The following TRAK2 variants were observed in gnomAD, a reference collection of about 807,000 sequenced individuals.
TRAK2 encodes the protein trafficking kinesin-binding protein 2.
A neutral mutation model predicts 104.6 loss-of-function variants in TRAK2; 81 were observed. That is an observed-to-expected ratio of 0.77 (90% CI 0.65 to 0.93). The LOEUF is 0.93. Among genes scored for constraint, TRAK2 ranks in the 40% least tolerant of loss-of-function variants. TRAK2 has a pLI of 0.00. For missense variants in TRAK2, 1,002 were observed against 1,089.0 expected (o/e 0.92, Z 1.12); for synonymous variants, 406 against 394.4 (o/e 1.03, Z -0.35).
At chr2:201,384,831 C>T (rs763607361) in intron 14 of TRAK2, among the ~76,000 whole-genome samples, 4 of 152,134 alleles carry the variant, frequency 2.6e-5, no homozygotes, top group African/African-American at 4.8e-5. Flanking sequence ...GCCGTTGAGT[C>T]TTTTTCCTGT....
At chr2:201,426,575 G>A (rs1951790776) in intron 1 of TRAK2, among the ~76,000 whole-genome samples, 1 of 152,148 alleles carries the variant, frequency 6.6e-6, no homozygotes, top group South Asian at 2.1e-4. Flanking sequence ...GAAAGGCTGG[G>A]GACCTCTGTT....
At chr2:201,415,196 C>T (rs1306702160) in intron 2 of TRAK2, among the ~76,000 whole-genome samples, 1 of 151,956 alleles carries the variant, frequency 6.6e-6, no homozygotes, top group East Asian at 1.9e-4. Flanking sequence ...GATCTGTAGA[C>T]CTACAGATGA....
At chr2:201,417,074 TACACAG>T (rs368043318) in intron 2 of TRAK2, among the ~76,000 whole-genome samples, 146,517 of 151,016 alleles carry the variant, frequency 0.97, 71,235 homozygotes, top group East Asian at 1. Flanking sequence ...CCACATTAAC[TACACAG>T]TTAAATGTAA....
At chr2:201,410,798 G>A (rs942737418) in intron 2 of TRAK2, 19 of 1,606,444 alleles carry the variant, frequency 1.2e-5, no homozygotes, top group Non-Finnish European at 1.5e-5. Context: ...GGTTTCTGAG[G>A]GCCAAAGAGA....
At chr2:201,397,730 T>C (rs1185349969) in intron 6 of TRAK2, 150 bp from the exon 7 acceptor site, 2 of 594,502 alleles carry the variant, frequency 3.4e-6, no homozygotes, top group Admixed American at 6.2e-5. Flanking sequence ...ACCTGGCTCA[T>C]CCCTGGCCTT....
At chr2:201,396,855 C>T (rs150684142) in intron 7 of TRAK2, among the ~76,000 whole-genome samples, 4,487 of 152,110 alleles carry the variant, frequency 0.029, 191 homozygotes, top group South Asian at 0.22. Context: ...GAATGGTTCG[C>T]GATTTGAAAC....
chr2:201,399,344 T>C (rs749539865), intron 5 of TRAK2, 33 bp downstream of exon 5: 1 of 1,459,684 alleles, frequency 6.9e-7, no homozygotes, highest in Admixed American at 1.8e-5. Flanking sequence ...AACCTAATTA[T>C]TTCATACTGC....
chr2:201,422,306 G>A (rs912061867), intron 1 of TRAK2, among the ~76,000 whole-genome samples: 3 of 152,108 alleles, frequency 2.0e-5, no homozygotes, highest in African/African-American at 7.2e-5. Context: ...TTTAATAACA[G>A]TGGAACATAC....
intron 2 of TRAK2, among the ~76,000 whole-genome samples, chr2:201,407,804 A>G (rs1951608819): frequency 1.3e-5 from 2 of 151,982 alleles, no homozygotes; most frequent in African/African-American, 2.4e-5. Flanking sequence ...GAGAACTTCT[A>G]AAGTAAAAAT....
At chr2:201,392,163 T>C (rs1356153849) in intron 10 of TRAK2, among the ~76,000 whole-genome samples, 3 of 152,148 alleles carry the variant, frequency 2.0e-5, no homozygotes, top group Non-Finnish European at 2.9e-5. Context: ...TTGAATGATA[T>C]GGCAAAAGCA....
rs750382000 is a variant in TRAK2, at chr2:201,381,153, G to A, written c.2135C>T (p.Ser712Phe). Residue 712 changes from serine to phenylalanine, a missense_variant, in exon 16 of 16, where the codon TCT (serine) becomes TTT (phenylalanine). By Grantham distance (155) the Ser-to-Phe change is radical. Transcript: ENST00000332624. The part of the protein sequence containing the change: ...GSSSSNTAVN[S>F]PALSYRLSIG... ...GCTGAGTCTATAGGACAAGGCAGGA[G>A]AATTCACAGCCGTGTTGGATGAACT... 1.2e-6 allele frequency: 2 copies of A among 1,613,484 alleles called. No homozygotes were observed. Among genetic ancestry groups the A allele is most frequent in the African/African-American group, 1.3e-5 (1 of 74,704 alleles).
At chr2:201,389,052 G>A (rs1951417780) in intron 12 of TRAK2, among the ~76,000 whole-genome samples, 1 of 152,198 alleles carries the variant, frequency 6.6e-6, no homozygotes, top group African/African-American at 2.4e-5. Context: ...AAGCGGTTGA[G>A]ATTATGAGCA....
chr2:201,428,649 C>T (rs930522804), intron 1 of TRAK2, among the ~76,000 whole-genome samples: 2 of 152,190 alleles, frequency 1.3e-5, no homozygotes, highest in Non-Finnish European at 2.9e-5. Flanking sequence ...CTTGGCAATG[C>T]AGGCTCTTTT....
At chr2:201,426,357 G>A (rs1041518772) in intron 1 of TRAK2, among the ~76,000 whole-genome samples, 6 of 152,182 alleles carry the variant, frequency 3.9e-5, no homozygotes, top group East Asian at 1.9e-4. Flanking sequence ...AGAAGGGACC[G>A]TCTACTTGAT....
At position 201,379,087 on chromosome 2, in the gene TRAK2, CCT is replaced by C. The variant is rs1364574627; in HGVS notation, c.*1454_*1455del. On this transcript the variant is annotated 3_prime_UTR_variant, in exon 16 of 16. Coordinates refer to ENST00000332624, the MANE Select transcript of TRAK2 (RefSeq NM_015049.3). Reference sequence around the variant, plus strand: ...TTTTCATAAACAAAATAATTAGTCCCCTCTCTCATCTTTTCTCTATCATGTCT... The same window carrying C: ...TTTTCATAAACAAAATAATTAGTCCCCTCTCATCTTTTCTCTATCATGTCT... The C allele has an allele frequency of 2.0e-5, 3 of 152,188 alleles. No individual in the cohort carries two copies. Among genetic ancestry groups the C allele is most frequent in the East Asian group, 1.9e-4 (1 of 5,174 alleles). 9.4% of individuals were successfully genotyped at this position (152,188 alleles called of 1,614,324 possible). A position where few individuals can be genotyped will look rare whatever the true frequency, so the allele number is the denominator to read the frequency against.
intron 3 of TRAK2, 136 bp from the exon 4 acceptor site, chr2:201,401,230 G>A: frequency 2.0e-6 from 1 of 509,092 alleles, no homozygotes; most frequent in South Asian, 3.9e-5. Context: ...AAAAATATAT[G>A]TGAAAAAAAA....
At chr2:201,405,692 T>C (rs537738954) in intron 3 of TRAK2, among the ~76,000 whole-genome samples, 103 of 152,326 alleles carry the variant, frequency 6.8e-4, no homozygotes, top group African/African-American at 2.4e-3. Context: ...TTGAAAGTTC[T>C]CAGCAATTTA....
intron 5 of TRAK2, 54 bp downstream of exon 5, chr2:201,399,323 C>T (rs779832691): frequency 1.6e-6 from 2 of 1,255,402 alleles, no homozygotes; most frequent in Admixed American, 3.7e-5. Context: ...AATAAATTTT[C>T]AATTGCATAA....
At chr2:201,394,966 G>A in intron 8 of TRAK2, 94 bp from the exon 9 acceptor site, 2 of 1,112,622 alleles carry the variant, frequency 1.8e-6, no homozygotes, top group African/African-American at 1.6e-5. Context: ...TTCTCTCTGG[G>A]GTATCATCTT....
Sources: allele counts gnomAD v4.1 joint callset (sites outside exome capture counted in the v4.1 genomes callset), GRCh38; gene constraint gnomAD v4.1.1; transcripts MANE v1.5; gene names NCBI Gene and HGNC (gene_info 2026-07-23, HGNC 2026-07-21).